CPEB1: variants seen among roughly 807,000 people sequenced by gnomAD.
CPEB1 encodes cytoplasmic polyadenylation element binding protein 1.
In CPEB1, 7 loss-of-function variants were observed where a neutral mutation model predicts 65.8. That is an observed-to-expected ratio of 0.11 (90% CI 0.06 to 0.20). The LOEUF is 0.20. CPEB1 is among the 10% of genes least tolerant of loss of function. The probability of loss-of-function intolerance (pLI) is 1.00; values close to 1 mark genes in which losing one functional copy is unlikely to be tolerated. For missense variants in CPEB1, 551 were observed against 712.2 expected (o/e 0.77, Z 2.58); for synonymous variants, 262 against 260.0 (o/e 1.01, Z -0.08).
rs573921119 is a variant in CPEB1 at position 82,547,630 on chromosome 15, G to A, written c.1481-393C>T. Among the ~76,000 whole-genome samples, 4 of 151,712 alleles carry A rather than the reference G, an allele frequency of 2.6e-5. No individual in the cohort carries two copies. The South Asian group carries it at 8.4e-4, about 32-fold the overall frequency. On this transcript the variant is annotated intron_variant, in intron 10 of 12. Transcript: ENST00000684509. ...TTTTAAAATGCAGGAAACCCTTTACGATACTAGTGCTGTCCGACAGAAATA... is the reference window on the plus strand; with the variant it reads ...TTTTAAAATGCAGGAAACCCTTTACAATACTAGTGCTGTCCGACAGAAATA...
upstream of CPEB1, chr15:82,647,889 C>T (rs1203208461): frequency 9.7e-6 from 12 of 1,237,398 alleles, no homozygotes; most frequent in Non-Finnish European, 6.1e-6. Flanking sequence ...TGTGGCCCTG[C>T]GGGGCTGACG....
intron 3 of CPEB1, among the ~76,000 whole-genome samples, chr15:82,591,099 T>C (rs1406252835): frequency 6.6e-6 from 1 of 152,200 alleles, no homozygotes; most frequent in African/African-American, 2.4e-5. Context: ...TACACTATTT[T>C]CCACAATGGC....
At chr15:82,594,746 A>T (rs769168835) in intron 3 of CPEB1, among the ~76,000 whole-genome samples, 2 of 152,140 alleles carry the variant, frequency 1.3e-5, no homozygotes, top group Non-Finnish European at 2.9e-5. Flanking sequence ...CTAGTTTTTG[A>T]TGTAAACTGA....
intron 3 of CPEB1, among the ~76,000 whole-genome samples, chr15:82,622,045 C>T (rs578123913): frequency 1.3e-5 from 2 of 152,280 alleles, no homozygotes; most frequent in African/African-American, 4.8e-5. Context: ...TTACAGACAC[C>T]GTTACTAACA....
chr15:82,641,354 G>A (rs547664739), intron 1 of CPEB1, among the ~76,000 whole-genome samples: 3 of 152,294 alleles, frequency 2.0e-5, no homozygotes, highest in African/African-American at 7.2e-5. Context: ...GAGCACAGGT[G>A]TTAAGTAGTA....
intron 3 of CPEB1, among the ~76,000 whole-genome samples, chr15:82,593,905 TAA>T (rs1397435114): frequency 6.6e-6 from 1 of 152,214 alleles, no homozygotes; most frequent in South Asian, 2.1e-4. Context: ...GTCTGTACAG[TAA>T]GTCTCAACAG....
At chr15:82,581,676 T>TA (rs2041297008) in intron 3 of CPEB1, among the ~76,000 whole-genome samples, 1 of 152,100 alleles carries the variant, frequency 6.6e-6, no homozygotes, top group African/African-American at 2.4e-5. Context: ...ACATTTTTTT[T>TA]AAAAATTAGG....
chr15:82,596,065 A>C (rs2042642617), intron 3 of CPEB1, among the ~76,000 whole-genome samples: 1 of 152,234 alleles, frequency 6.6e-6, no homozygotes, highest in Non-Finnish European at 1.5e-5. Flanking sequence ...TTCTCAAAAA[A>C]TTTATAGCAG....
intron 1 of CPEB1, chr15:82,641,673 T>C (rs2047129816): frequency 6.6e-6 from 1 of 151,528 alleles, no homozygotes; most frequent in Non-Finnish European, 1.5e-5. Flanking sequence ...GGGGAACTCA[T>C]CACGAATGCC....
chr15:82,563,473 T>C (rs1259645480), intron 4 of CPEB1, among the ~76,000 whole-genome samples: 1 of 144,624 alleles, frequency 6.9e-6, no homozygotes, highest in Non-Finnish European at 1.5e-5. Context: ...GCCTCCAAAG[T>C]AGCTAGCGGC....
intron 9 of CPEB1, among the ~76,000 whole-genome samples, chr15:82,552,058 C>G (rs1443832096): frequency 6.6e-6 from 1 of 152,204 alleles, no homozygotes; most frequent in East Asian, 1.9e-4. Flanking sequence ...TTCACCCCCA[C>G]AGACTGGGAG....
intron 4 of CPEB1, among the ~76,000 whole-genome samples, chr15:82,560,937 G>T (rs1432707302): frequency 6.6e-6 from 1 of 152,266 alleles, no homozygotes; most frequent in Non-Finnish European, 1.5e-5. Flanking sequence ...AGGAATAAAT[G>T]TGACAACAGA....
chr15:82,556,352 TAA>T, intron 5 of CPEB1: 1 of 473,346 alleles, frequency 2.1e-6, no homozygotes, highest in Non-Finnish European at 3.6e-6. Flanking sequence ...TATAACCATT[TAA>T]AATGCATTTA....
chr15:82,600,374 A>C (rs755063867), intron 3 of CPEB1, among the ~76,000 whole-genome samples: 11 of 152,242 alleles, frequency 7.2e-5, no homozygotes, highest in Admixed American at 5.9e-4. Flanking sequence ...GCAGACTCAC[A>C]ATAAAAATAT....
At chr15:82,574,318 C>A (rs2040404541) in intron 3 of CPEB1, among the ~76,000 whole-genome samples, 1 of 152,194 alleles carries the variant, frequency 6.6e-6, no homozygotes, top group Non-Finnish European at 1.5e-5. Flanking sequence ...AGATGACTGA[C>A]AGACCTTGCT....
intron 1 of CPEB1, among the ~76,000 whole-genome samples, chr15:82,639,047 T>C (rs929073348): frequency 6.6e-6 from 1 of 152,220 alleles, no homozygotes. Context: ...AAAATACTTC[T>C]GACTTTATAG....
intron 3 of CPEB1, among the ~76,000 whole-genome samples, chr15:82,604,736 G>C (rs1462091710): frequency 6.6e-6 from 1 of 152,104 alleles, no homozygotes; most frequent in Non-Finnish European, 1.5e-5. Context: ...TCCAGTCTGA[G>C]GACAAGAAAC....
At chr15:82,547,504 C>G (rs2035466408) in intron 10 of CPEB1, among the ~76,000 whole-genome samples, 1 of 151,536 alleles carries the variant, frequency 6.6e-6, no homozygotes, top group African/African-American at 2.4e-5. Flanking sequence ...CACCATTAGC[C>G]AGCATGGTCT....
At chr15:82,546,945 C>A (rs981937297) in intron 11 of CPEB1, among the ~76,000 whole-genome samples, 198 bp downstream of exon 11, 3 of 152,146 alleles carry the variant, frequency 2.0e-5, no homozygotes, top group Non-Finnish European at 4.4e-5. Context: ...CTCAACAGTC[C>A]CAGTTCCCTT....
Sources: allele counts gnomAD v4.1 joint callset (sites outside exome capture counted in the v4.1 genomes callset), GRCh38; gene constraint gnomAD v4.1.1; transcripts MANE v1.5; gene names NCBI Gene and HGNC (gene_info 2026-07-23, HGNC 2026-07-21).